Variants in VWA7 observed in about 807,000 individuals in gnomAD.
The protein encoded by VWA7 is von Willebrand factor A domain-containing protein 7.
In VWA7, 66 loss-of-function variants were observed where a neutral mutation model predicts 83.1. That is an observed-to-expected ratio of 0.79 (90% CI 0.65 to 0.98). The LOEUF is 0.98. VWA7 is among the 50% of genes least tolerant of loss of function. The pLI is 0.00. For synonymous variants in VWA7, 424 were observed against 488.5 expected (o/e 0.87, Z 1.74); for missense variants, 1,080 against 1,160.2 (o/e 0.93, Z 1.00).
Position 31,767,659 on chromosome 6 carries a change from G to T in VWA7, c.1599C>A (p.His533Gln). 2 of 1,613,442 alleles carry T rather than the reference G, an allele frequency of 1.2e-6. No individual in the cohort carries two copies. Among genetic ancestry groups the T allele is most frequent in the Admixed American group, 1.7e-5 (1 of 60,016 alleles). Reference protein sequence around the residue: ...GLLQKITVRIHGDISSFWIKN... With the variant: ...GLLQKITVRIQGDISSFWIKN... ...TGATCCAGAAGCTGCTGATGTCTCCGTGGATCCGGACTGTGATCTTCTGGA... is the reference window on the plus strand; with the variant it reads ...TGATCCAGAAGCTGCTGATGTCTCCTTGGATCCGGACTGTGATCTTCTGGA... Residue 533 changes from histidine to glutamine, a missense_variant, in exon 11 of 17, where the codon CAC becomes CAA. Transcript: ENST00000375688.
Position 31,776,069 on chromosome 6 carries a change from T to C in VWA7, c.408A>G (p.Gly136=), listed in dbSNP as rs1379480672. The C allele has an allele frequency of 6.2e-7, 1 of 1,613,554 alleles. No homozygotes were observed. Among genetic ancestry groups the C allele is most frequent in the African/African-American group, 1.3e-5 (1 of 74,838 alleles). The part of the protein sequence containing the change: ...LHFDAERLGQ[G]RARLVGALRE... ...GCAGAGCCCCTACCAGGCGCGCGCGTCCCTGACCCAGTCGCTCAGCATCAA... is the reference window on the plus strand; with the variant it reads ...GCAGAGCCCCTACCAGGCGCGCGCGCCCCTGACCCAGTCGCTCAGCATCAA... The change falls in exon 3 of 17, where the codon GGA becomes GGG. Residue 136 remains glycine (G), a synonymous_variant. Coordinates refer to ENST00000375688, the MANE Select transcript of VWA7 (RefSeq NM_025258.3). This position sits in a 1 kb window ranked among gnomAD's most constrained non-coding sequence, Gnocchi z 6.2.
In VWA7 at chr6:31,776,567, AG is replaced by A. The variant is rs1410246345; in HGVS notation, c.212del (p.Pro71LeufsTer34). The A allele has an allele frequency of 3.2e-6, 5 of 1,547,610 alleles. No individual in the cohort carries two copies. The highest frequency in any genetic ancestry group is 1.2e-5 in the South Asian group (1 of 83,708). On this transcript the variant is annotated frameshift_variant, in exon 2 of 17. Transcript: ENST00000375688. LOFTEE classifies it high-confidence loss of function. This position sits in a 1 kb window ranked among gnomAD's most constrained non-coding sequence, Gnocchi z 6.2. ...TCACCAGGAAGTCCTCAAGACGAAGAGGGGGGCGGCCTGGGGGTGGCTGCTC... is the reference window on the plus strand; with the variant it reads ...TCACCAGGAAGTCCTCAAGACGAAGAGGGGGCGGCCTGGGGGTGGCTGCTC... ...FLEQPPPGRP[P>X]LRLEDFLGRT...
Position 31,776,480 on chromosome 6 carries a change from AAGG to A in VWA7, c.234+63_234+65del, listed in dbSNP as rs1396451542. The A allele has an allele frequency of 1.4e-6, 2 of 1,385,960 alleles. No homozygotes were observed. The highest frequency in any genetic ancestry group is 1.5e-5 in the African/African-American group (1 of 68,848). The allele number at this position is 1,385,960 out of a possible 1,614,324, so 85.9% of individuals were successfully genotyped here. A position where few individuals can be genotyped will look rare whatever the true frequency, so the allele number is the denominator to read the frequency against. The stretch of plus-strand genomic sequence containing the variant: ...TCTTCTCTTGGCAACCAGAGCCCTC[AAGG>A]AGTAGAGGCCCCATGGAATTGGGGA... On this transcript the variant is annotated intron_variant, in intron 2 of 16. Coordinates refer to ENST00000375688, the MANE Select transcript of VWA7 (RefSeq NM_025258.3). The surrounding 1 kb of genome is among the most constrained non-coding windows in gnomAD (Gnocchi z 6.2).
rs1050484495 is a variant in VWA7, at chr6:31,777,166, G to C, written c.-73C>G. On this transcript the variant is annotated 5_prime_UTR_variant, in exon 1 of 17. Coordinates refer to ENST00000375688, the MANE Select transcript of VWA7 (RefSeq NM_025258.3). This position sits in a 1 kb window ranked among gnomAD's most constrained non-coding sequence, Gnocchi z 5.8. ...CGGGCTTGACGTCACAGGGCACTTAGGTCAGAGTTATAATTAACCGAGGCT... is the reference window on the plus strand; with the variant it reads ...CGGGCTTGACGTCACAGGGCACTTACGTCAGAGTTATAATTAACCGAGGCT... 2.7e-6 allele frequency: 1 copy of C among 367,104 alleles called. No homozygotes were observed. Among genetic ancestry groups the C allele is most frequent in the South Asian group, 6.1e-5 (1 of 16,404 alleles). 22.7% of individuals were successfully genotyped at this position (367,104 alleles called of 1,614,324 possible).
chr6:31,773,163 T>A lies in VWA7; in HGVS notation c.918-40A>T. The A allele has an allele frequency of 6.3e-7, 1 of 1,599,682 alleles. No individual in the cohort carries two copies. The highest frequency in any genetic ancestry group is 8.5e-7 in the Non-Finnish European group (1 of 1,173,740). On this transcript the variant is annotated intron_variant, in intron 6 of 16. Transcript: ENST00000375688. The surrounding 1 kb of genome is among the most constrained non-coding windows in gnomAD (Gnocchi z 5.3). ...AGAGACACAGTGAAGGGCCTGCACG[T>A]TTGTCCCCAGCGCCTGGTTTCTCCC...
intron 10 of VWA7, 94 bp downstream of exon 10, chr6:31,768,924 C>T (rs1811894918): frequency 7.5e-7 from 1 of 1,329,034 alleles, no homozygotes; most frequent in African/African-American, 1.5e-5. Context: ...AAGAACAACA[C>T]AGCAGTGAGA....
In VWA7 at chr6:31,769,081, G is replaced by A. The variant is rs1417723235; in HGVS notation, c.1440C>T (p.Ile480=). The change falls in exon 10 of 17, where the codon ATC becomes ATT. Residue 480 remains isoleucine (I), a synonymous_variant. Coordinates refer to ENST00000375688, the MANE Select transcript of VWA7 (RefSeq NM_025258.3). The surrounding 1 kb of genome is among the most constrained non-coding windows in gnomAD (Gnocchi z 4.5). ...CTCGAATGTGCTGGTCTTTGGTGAAGATCACCTCTCCTCCTGAGGCCAGGG... is the reference window on the plus strand; with the variant it reads ...CTCGAATGTGCTGGTCTTTGGTGAAAATCACCTCTCCTCCTGAGGCCAGGG... ...AVALASGGEV[I]FTKDQHIRDV... The A allele has an allele frequency of 6.2e-7, 1 of 1,613,100 alleles. No homozygotes were observed. The highest frequency in any genetic ancestry group is 1.7e-5 in the Admixed American group (1 of 60,022).
chr6:31,771,990 CAAAAAAAAAAAAA>C (rs34193146), intron 7 of VWA7, among the ~76,000 whole-genome samples: 2 of 41,936 alleles, frequency 4.8e-5, no homozygotes, highest in Non-Finnish European at 1.1e-4. Context: ...GACTCCGTCT[CAAAAAAAAAAAAA>C]AAAAAAAAAA....
intron 7 of VWA7, among the ~76,000 whole-genome samples, chr6:31,772,142 C>CT (rs761228094): frequency 1.9e-3 from 272 of 140,774 alleles, no homozygotes; most frequent in Admixed American, 2.0e-3. Flanking sequence ...TGCTAGTTAT[C>CT]TTTTTTTTTT....
In VWA7 at chr6:31,776,671, G is replaced by C; in HGVS notation, c.109C>G (p.Leu37Val). The change falls in exon 2 of 17, where the codon CTG becomes GTG. Residue 37 changes from leucine (L) to valine (V), a missense_variant. Coordinates refer to ENST00000375688, the MANE Select transcript of VWA7 (RefSeq NM_025258.3). The surrounding 1 kb of genome is among the most constrained non-coding windows in gnomAD (Gnocchi z 6.2). Reference protein sequence around the residue: ...SAFFPNIWSLLAAPGSITHQD... With the variant: ...SAFFPNIWSLVAAPGSITHQD... ...TGGGTGATGGAGCCAGGGGCAGCCA[G>C]CAGGCTCCAGATGTTGGGGAAGAAG... 6.5e-7 allele frequency: 1 copy of C among 1,539,992 alleles called. No homozygotes were observed. Among genetic ancestry groups the C allele is most frequent in the Non-Finnish European group, 8.8e-7 (1 of 1,141,094 alleles).
In VWA7 at chr6:31,769,161, G is replaced by C; in HGVS notation, c.1360C>G (p.Arg454Gly). The C allele has an allele frequency of 1.2e-6, 2 of 1,613,062 alleles. No homozygotes were observed. The highest frequency in any genetic ancestry group is 1.1e-5 in the South Asian group (1 of 91,084). Residue 454 changes from arginine (R) to glycine (G), a missense_variant, in exon 10 of 17, where the codon CGA (arginine) becomes GGA (glycine). Transcript: ENST00000375688. This position sits in a 1 kb window ranked among gnomAD's most constrained non-coding sequence, Gnocchi z 4.5. ...VTEDTSRVQG[R>G]ARREILSPLR... The stretch of plus-strand genomic sequence containing the variant: ...GGGGACAAGATCTCACGCCGAGCTC[G>C]ACCCTGAACCCTTGATGTATCTTCA...
Position 31,766,118 on chromosome 6 carries a change from G to A in VWA7, c.2325-61C>T. The stretch of plus-strand genomic sequence containing the variant: ...GCTGCCCAGAGCCTAGAGTCGGGAC[G>A]CCTGCAGGGGCACGGGAGCGGAGAG... On this transcript the variant is annotated intron_variant, in intron 15 of 16. Coordinates refer to ENST00000375688, the MANE Select transcript of VWA7 (RefSeq NM_025258.3). This position sits in a 1 kb window ranked among gnomAD's most constrained non-coding sequence, Gnocchi z 4.9. 3.7e-6 allele frequency: 6 copies of A among 1,600,172 alleles called. No homozygotes were observed. Among genetic ancestry groups the A allele is most frequent in the East Asian group, 2.2e-5 (1 of 44,676 alleles).
At position 31,776,512 on chromosome 6, in the gene VWA7, T is replaced by A. The variant is rs1195737245; in HGVS notation, c.234+34A>T. 2.0e-6 allele frequency: 3 copies of A among 1,507,084 alleles called. No individual in the cohort carries two copies. 93.4% of individuals were successfully genotyped at this position (1,507,084 alleles called of 1,614,324 possible). A position where few individuals can be genotyped will look rare whatever the true frequency, so the allele number is the denominator to read the frequency against. On this transcript the variant is annotated intron_variant, in intron 2 of 16. Coordinates refer to ENST00000375688, the MANE Select transcript of VWA7 (RefSeq NM_025258.3). This position sits in a 1 kb window ranked among gnomAD's most constrained non-coding sequence, Gnocchi z 6.2. ...AGAGGCCCCATGGAATTGGGGACTC[T>A]GGCAGGGGTGTGACAGGACCCTGGG...
rs7383256 is a variant in VWA7, at chr6:31,773,831, A to C, written c.722-394T>G. Reference sequence around the variant, plus strand: ...CACTGCACTCCAGCCTGGGTGGCAGAGCAAGACTCGGTCTCAAAAAATAAA... The same window carrying C: ...CACTGCACTCCAGCCTGGGTGGCAGCGCAAGACTCGGTCTCAAAAAATAAA... On this transcript the variant is annotated intron_variant, in intron 5 of 16. Coordinates refer to ENST00000375688, the MANE Select transcript of VWA7 (RefSeq NM_025258.3). The surrounding 1 kb of genome is among the most constrained non-coding windows in gnomAD (Gnocchi z 5.3). Among the ~76,000 whole-genome samples the C allele has an allele frequency of 1.1e-3, 159 of 147,358 alleles. No homozygotes were observed. Among genetic ancestry groups the C allele is most frequent in the Admixed American group, 7.7e-3 (115 of 14,898 alleles).
chr6:31,777,239 C>A lies in VWA7; in HGVS notation c.-146G>T. The A allele has an allele frequency of 2.2e-6, 1 of 460,946 alleles. No homozygotes were observed. Among genetic ancestry groups the A allele is most frequent in the Non-Finnish European group, 3.9e-6 (1 of 255,756 alleles). The allele number at this position is 460,946 out of a possible 1,614,324, so 28.6% of individuals were successfully genotyped here. ...CAACAGGGTGGGGGAGGACAGGCAA[C>A]CCCTGGCCCTTTCGCTCCTGCCTGC... is the stretch of plus-strand genomic sequence containing the variant. On this transcript the variant is annotated 5_prime_UTR_variant, in exon 1 of 17. Transcript: ENST00000375688. The surrounding 1 kb of genome is among the most constrained non-coding windows in gnomAD (Gnocchi z 5.8).
rs1272409069 is a variant in VWA7 at position 31,776,008 on chromosome 6, T to C, written c.469A>G (p.Thr157Ala). The change falls in exon 3 of 17, where the codon ACC becomes GCC. Residue 157 changes from threonine to alanine, a missense_variant. Transcript: ENST00000375688. This position sits in a 1 kb window ranked among gnomAD's most constrained non-coding sequence, Gnocchi z 6.2. Reference protein sequence around the residue: ...TVVAARALDHTLARQRLGAAL... With the variant: ...TVVAARALDHALARQRLGAAL... The stretch of plus-strand genomic sequence containing the variant: ...GCCCCGAGGCGCTGGCGAGCCAGGG[T>C]GTGGTCAAGGGCCCTGGCTGCCACC... 6.2e-7 allele frequency: 1 copy of C among 1,612,582 alleles called. No homozygotes were observed. Among genetic ancestry groups the C allele is most frequent in the Non-Finnish European group, 8.5e-7 (1 of 1,179,784 alleles).
At chr6:31,774,748 T>C (rs1320468630) in intron 4 of VWA7, 122 bp from the exon 5 acceptor site, 33 of 738,146 alleles carry the variant, frequency 4.5e-5, no homozygotes, top group Admixed American at 5.9e-5. Context: ...AGAAGTTCCC[T>C]AGCAAAGCTT....
Position 31,773,032 on chromosome 6 carries a change from C to T in VWA7, c.1009G>A (p.Ala337Thr). 3 of 1,612,720 alleles carry T rather than the reference C, an allele frequency of 1.9e-6. No individual in the cohort carries two copies. The highest frequency in any genetic ancestry group is 2.5e-6 in the Non-Finnish European group (3 of 1,179,914). ...GEEINAAKIQ[A>T]RHLVEQRRGS... Reference sequence around the variant, plus strand: ...CTCCGCTGCTCCACAAGGTGGCGAGCCTGGATTTTGGCAGCGTTGATCTCC... The same window carrying T: ...CTCCGCTGCTCCACAAGGTGGCGAGTCTGGATTTTGGCAGCGTTGATCTCC... Residue 337 changes from alanine to threonine, a missense_variant, in exon 7 of 17, where the codon GCT becomes ACT. Transcript: ENST00000375688. This position sits in a 1 kb window ranked among gnomAD's most constrained non-coding sequence, Gnocchi z 5.3.
In VWA7 at chr6:31,769,978, G is replaced by A. The variant is rs775577318; in HGVS notation, c.1200+23C>T. On this transcript the variant is annotated intron_variant, in intron 8 of 16. Coordinates refer to ENST00000375688, the MANE Select transcript of VWA7 (RefSeq NM_025258.3). This position sits in a 1 kb window ranked among gnomAD's most constrained non-coding sequence, Gnocchi z 4.5. ...CCCCCTGGTGGTGGGGCCAGGAAAC[G>A]GGGAAGAAGGGAGGGGCCAGACCTG... is the stretch of plus-strand genomic sequence containing the variant. 4.8e-5 allele frequency: 78 copies of A among 1,609,098 alleles called. No homozygotes were observed. Among genetic ancestry groups the A allele is most frequent in the Non-Finnish European group, 6.0e-5 (71 of 1,176,832 alleles).
Sources: allele counts gnomAD v4.1 joint callset (sites outside exome capture counted in the v4.1 genomes callset), GRCh38; gene constraint gnomAD v4.1.1; non-coding constraint Gnocchi (gnomAD v3.1); transcripts MANE v1.5; gene names NCBI Gene and HGNC (gene_info 2026-07-23, HGNC 2026-07-21).